B3GNT9: variants seen among roughly 807,000 people sequenced by gnomAD.
B3GNT9 encodes the protein BGnT-9.
For missense variants in B3GNT9, 669 were observed against 599.2 expected (o/e 1.12, Z -1.22); for synonymous variants, 359 against 283.9 (o/e 1.26, Z -2.66).
In B3GNT9 at chr16:67,149,930, T is replaced by C; in HGVS notation, c.556A>G (p.Ser186Gly). The change falls in exon 2 of 2, where the codon AGC becomes GGC. Residue 186 changes from serine to glycine, a missense_variant. Ser to Gly is a moderately conservative substitution (Grantham distance 56, BLOSUM62 0). Coordinates refer to ENST00000449549, the MANE Select transcript of B3GNT9 (RefSeq NM_033309.3). The stretch of plus-strand genomic sequence containing the variant: ...AGCAGGATGTCCGCATACGCAAGGC[T>C]CTCGGCCCGCAGCAGGGCGCGCCAG... Reference protein sequence around the residue: ...THWRALLRAESLAYADILLWA... With the variant: ...THWRALLRAEGLAYADILLWA... 1 of 1,593,864 alleles carries C rather than the reference T, an allele frequency of 6.3e-7. No homozygotes were observed. Among genetic ancestry groups the C allele is most frequent in the South Asian group, 1.1e-5 (1 of 88,558 alleles).
chr16:67,150,410 A>G lies in B3GNT9; in HGVS notation c.76T>C (p.Tyr26His). 2.9e-6 allele frequency: 4 copies of G among 1,361,050 alleles called. No individual in the cohort carries two copies. The highest frequency in any genetic ancestry group is 3.8e-6 in the Non-Finnish European group (4 of 1,059,668). 84.3% of individuals were successfully genotyped at this position (1,361,050 alleles called of 1,614,324 possible). Reference protein sequence around the residue: ...LLGASLGLLLYAQRDGAAPTA... With the variant: ...LLGASLGLLLHAQRDGAAPTA... ...GGGGCCGCGCCGTCGCGCTGCGCAT[A>G]GAGTAAGAGGCCCAGGGAGGCGCCA... Residue 26 changes from tyrosine (Y) to histidine (H), a missense_variant, in exon 2 of 2, where the codon TAT becomes CAT. Transcript: ENST00000449549.
Position 67,149,139 on chromosome 16 carries a change from C to T in B3GNT9, c.*138G>A. ...TTCCAGCAGGGTGGACCGCCAGGAG[C>T]CAAGCTTAACCCCCATCCCCTGGGA... On this transcript the variant is annotated 3_prime_UTR_variant, in exon 2 of 2. Coordinates refer to ENST00000449549, the MANE Select transcript of B3GNT9 (RefSeq NM_033309.3). 1 of 1,415,326 alleles carries T rather than the reference C, an allele frequency of 7.1e-7. No individual in the cohort carries two copies. The highest frequency in any genetic ancestry group is 9.2e-7 in the Non-Finnish European group (1 of 1,083,796). The allele number at this position is 1,415,326 out of a possible 1,614,324, so 87.7% of individuals were successfully genotyped here. A position where few individuals can be genotyped will look rare whatever the true frequency, so the allele number is the denominator to read the frequency against.
Position 67,149,348 on chromosome 16 carries a change from G to A in B3GNT9, c.1138C>T (p.His380Tyr). The A allele has an allele frequency of 6.2e-7, 1 of 1,601,966 alleles. No homozygotes were observed. The highest frequency in any genetic ancestry group is 8.5e-7 in the Non-Finnish European group (1 of 1,174,560). Reference sequence around the variant, plus strand: ...GCACAGGCTGGCCCATGCGGCCCGTGCAGCAGGCGCCACATAAGCCAGATG... The same window carrying A: ...GCACAGGCTGGCCCATGCGGCCCGTACAGCAGGCGCCACATAAGCCAGATG... ...ADIWLMWRLLHGPHGPACAHP... is the reference protein window; with the variant it reads ...ADIWLMWRLLYGPHGPACAHP... The change falls in exon 2 of 2, where the codon CAC (histidine) becomes TAC (tyrosine). Residue 380 changes from histidine to tyrosine, a missense_variant. By Grantham distance (83) the His-to-Tyr change is moderately conservative. Coordinates refer to ENST00000449549, the MANE Select transcript of B3GNT9 (RefSeq NM_033309.3).
At position 67,149,540 on chromosome 16, in the gene B3GNT9, C is replaced by T; in HGVS notation, c.946G>A (p.Asp316Asn). The change falls in exon 2 of 2, where the codon GAC becomes AAC. Residue 316 changes from aspartate to asparagine, a missense_variant. Transcript: ENST00000449549. ...CAQVELFPID[D>N]VFLGMCLQRL... ...TGCAGACACATGCCCAGAAAGACGTCGTCGATGGGGAAGAGCTCGACCTGC... is the reference window on the plus strand; with the variant it reads ...TGCAGACACATGCCCAGAAAGACGTTGTCGATGGGGAAGAGCTCGACCTGC... 1 of 1,608,856 alleles carries T rather than the reference C, an allele frequency of 6.2e-7. No homozygotes were observed. The highest frequency in any genetic ancestry group is 2.2e-5 in the East Asian group (1 of 44,590).
chr16:67,149,211 G>C lies in B3GNT9; in HGVS notation c.*66C>G, dbSNP rs2030346937. The stretch of plus-strand genomic sequence containing the variant: ...GTGATCAGGGAAGAACCACATACAC[G>C]GCAATAATCTGGGAAACCGGCTCCA... On this transcript the variant is annotated 3_prime_UTR_variant, in exon 2 of 2. Coordinates refer to ENST00000449549, the MANE Select transcript of B3GNT9 (RefSeq NM_033309.3). 6.7e-7 allele frequency: 1 copy of C among 1,493,644 alleles called. No homozygotes were observed. The highest frequency in any genetic ancestry group is 2.4e-5 in the Admixed American group (1 of 40,886). 92.5% of individuals were successfully genotyped at this position (1,493,644 alleles called of 1,614,324 possible). A position where few individuals can be genotyped will look rare whatever the true frequency, so the allele number is the denominator to read the frequency against.
In B3GNT9 at chr16:67,148,698, G is replaced by C. The variant is rs2030316969; in HGVS notation, c.*579C>G. On this transcript the variant is annotated 3_prime_UTR_variant, in exon 2 of 2. Transcript: ENST00000449549. ...TTGTTGTGTGAGTTCAGGAGGTGAG[G>C]AAAGACTAGGTAGGACCGTGCACTC... The C allele has an allele frequency of 6.6e-6, 1 of 152,206 alleles. No homozygotes were observed. The highest frequency in any genetic ancestry group is 1.5e-5 in the Non-Finnish European group (1 of 68,078). 9.4% of individuals were successfully genotyped at this position (152,206 alleles called of 1,614,324 possible). A position where few individuals can be genotyped will look rare whatever the true frequency, so the allele number is the denominator to read the frequency against.
At position 67,150,175 on chromosome 16, in the gene B3GNT9, T is replaced by C. The variant is rs764212288; in HGVS notation, c.311A>G (p.His104Arg). 3.9e-6 allele frequency: 6 copies of C among 1,553,432 alleles called. No homozygotes were observed. The highest frequency in any genetic ancestry group is 5.2e-6 in the Non-Finnish European group (6 of 1,153,466). ...RRFPLLINQP[H>R]KCRGDGAPGG... ...GGGTGCGCCGTCGCCGCGGCACTTG[T>C]GCGGCTGGTTAATGAGCAGTGGAAA... The change falls in exon 2 of 2, where the codon CAC becomes CGC. Residue 104 changes from histidine to arginine, a missense_variant. By Grantham distance (29) the His-to-Arg change is conservative. Coordinates refer to ENST00000449549, the MANE Select transcript of B3GNT9 (RefSeq NM_033309.3).
Position 67,150,584 on chromosome 16 carries a change from G to T in B3GNT9, c.-99C>A. 1 of 1,032,782 alleles carries T rather than the reference G, an allele frequency of 9.7e-7. No homozygotes were observed. The highest frequency in any genetic ancestry group is 1.2e-6 in the Non-Finnish European group (1 of 804,362). The allele number at this position is 1,032,782 out of a possible 1,614,324, so 64.0% of individuals were successfully genotyped here. On this transcript the variant is annotated 5_prime_UTR_variant, in exon 2 of 2. Coordinates refer to ENST00000449549, the MANE Select transcript of B3GNT9 (RefSeq NM_033309.3). ...CCCAGCTGAGGGGGCGGGAGGCCAC[G>T]CCCCGGGGGGGGCTCCAGCGACCGA...
rs2030343460 is a variant in B3GNT9 at position 67,149,112 on chromosome 16, G to A, written c.*165C>T. The A allele has an allele frequency of 5.8e-6, 8 of 1,369,966 alleles. No homozygotes were observed. Among genetic ancestry groups the A allele is most frequent in the East Asian group, 5.3e-5 (2 of 37,490 alleles). The allele number at this position is 1,369,966 out of a possible 1,614,324, so 84.9% of individuals were successfully genotyped here. The stretch of plus-strand genomic sequence containing the variant: ...GGTCACCATTACACGGGTTTCAACT[G>A]GTTCCAGCAGGGTGGACCGCCAGGA... On this transcript the variant is annotated 3_prime_UTR_variant, in exon 2 of 2. Coordinates refer to ENST00000449549, the MANE Select transcript of B3GNT9 (RefSeq NM_033309.3).
At position 67,149,170 on chromosome 16, in the gene B3GNT9, T is replaced by C. The variant is rs540950512; in HGVS notation, c.*107A>G. 1 of 1,441,414 alleles carries C rather than the reference T, an allele frequency of 6.9e-7. No homozygotes were observed. The highest frequency in any genetic ancestry group is 1.6e-5 in the South Asian group (1 of 64,280). 89.3% of individuals were successfully genotyped at this position (1,441,414 alleles called of 1,614,324 possible). ...TTAACCCCCATCCCCTGGGATCCTG[T>C]GGAGACAGGCACCTGGTGATCAGGG... On this transcript the variant is annotated 3_prime_UTR_variant, in exon 2 of 2. Coordinates refer to ENST00000449549, the MANE Select transcript of B3GNT9 (RefSeq NM_033309.3).
In B3GNT9 at chr16:67,150,051, C is replaced by G. The variant is rs1247162822; in HGVS notation, c.435G>C (p.Val145=). The change falls in exon 2 of 2, where the codon GTG becomes GTC. Residue 145 remains valine, a synonymous_variant. Transcript: ENST00000449549. ...VRQTWGAEGR[V]QGALVRRVFL... ...ACACGCGGCGCACCAGCGCCCCCTG[C>G]ACGCGACCCTCCGCGCCCCACGTCT... 1.3e-6 allele frequency: 2 copies of G among 1,494,988 alleles called. No individual in the cohort carries two copies. Among genetic ancestry groups the G allele is most frequent in the South Asian group, 2.7e-5 (2 of 75,206 alleles). 92.6% of individuals were successfully genotyped at this position (1,494,988 alleles called of 1,614,324 possible).
rs957121175 is a variant in B3GNT9, at chr16:67,150,895, A to G, written c.-217T>C. ...GCCCTCGGAAGTGGCGCAGCCCCGG[A>G]CGCCCTGGCCTCCGGGGCTCAGCGC... On this transcript the variant is annotated 5_prime_UTR_variant, in exon 1 of 2. Coordinates refer to ENST00000449549, the MANE Select transcript of B3GNT9 (RefSeq NM_033309.3). 1 of 158,760 alleles carries G rather than the reference A, an allele frequency of 6.3e-6. No individual in the cohort carries two copies. Among genetic ancestry groups the G allele is most frequent in the African/African-American group, 2.4e-5 (1 of 41,618 alleles). 9.8% of individuals were successfully genotyped at this position (158,760 alleles called of 1,614,324 possible). A position where few individuals can be genotyped will look rare whatever the true frequency, so the allele number is the denominator to read the frequency against.
Position 67,150,464 on chromosome 16 carries a change from G to C in B3GNT9, c.22C>G (p.Arg8Gly). 2.3e-6 allele frequency: 3 copies of C among 1,330,314 alleles called. No individual in the cohort carries two copies. Among genetic ancestry groups the C allele is most frequent in the African/African-American group, 1.5e-5 (1 of 65,206 alleles). The allele number at this position is 1,330,314 out of a possible 1,614,324, so 82.4% of individuals were successfully genotyped here. The change falls in exon 2 of 2, where the codon CGC becomes GGC. Residue 8 changes from arginine to glycine, a missense_variant. Physicochemically the swap from Arg to Gly is moderately radical, Grantham distance 125. Transcript: ENST00000449549. ...AGCAGCGTGAGCAATGCGTCCCTGC[G>C]TAGGCGCAGCCTCCTCCTCATCTCC... is the stretch of plus-strand genomic sequence containing the variant. MRRRLRLRRDALLTLLLG... is the reference protein window; with the variant it reads MRRRLRLGRDALLTLLLG...
chr16:67,150,779 C>T (rs1353240781), intron 1 of B3GNT9, 86 bp downstream of exon 1: 9 of 304,964 alleles, frequency 3.0e-5, no homozygotes, highest in Non-Finnish European at 4.2e-5. Flanking sequence ...CTCGGCCCCT[C>T]CCCCGCCCGC....
Position 67,150,237 on chromosome 16 carries a change from G to A in B3GNT9, c.249C>T (p.Asp83=), listed in dbSNP as rs1201812138. The A allele has an allele frequency of 1.9e-6, 3 of 1,544,592 alleles. No homozygotes were observed. The highest frequency in any genetic ancestry group is 2.4e-5 in the South Asian group (2 of 83,808). Residue 83 remains aspartate (D), a synonymous_variant, in exon 2 of 2, where the codon GAC becomes GAT. Transcript: ENST00000449549. ...PAPPTPTGPF[D]FARYLRAKDQ... ...CCTTGGCGCGCAAATAGCGGGCGAA[G>A]TCAAAGGGTCCCGTAGGCGTGGGCG...
chr16:67,149,685 C>A lies in B3GNT9; in HGVS notation c.801G>T (p.Arg267=). ...VIVHARPIRT[R]ASKYYIPEAV... is the part of the protein sequence containing the mutation. Reference sequence around the variant, plus strand: ...CCTCGGGGATGTAGTACTTGCTAGCCCGCGTGCGGATGGGCCGCGCATGCA... The same window carrying A: ...CCTCGGGGATGTAGTACTTGCTAGCACGCGTGCGGATGGGCCGCGCATGCA... Residue 267 remains arginine (R), a synonymous_variant, in exon 2 of 2, where the codon CGG becomes CGT. Coordinates refer to ENST00000449549, the MANE Select transcript of B3GNT9 (RefSeq NM_033309.3). The A allele has an allele frequency of 6.2e-7, 1 of 1,611,320 alleles. No individual in the cohort carries two copies. The highest frequency in any genetic ancestry group is 8.5e-7 in the Non-Finnish European group (1 of 1,178,836).
At position 67,150,448 on chromosome 16, in the gene B3GNT9, A is replaced by G; in HGVS notation, c.38T>C (p.Leu13Pro). The G allele has an allele frequency of 7.4e-7, 1 of 1,344,496 alleles. No individual in the cohort carries two copies. The highest frequency in any genetic ancestry group is 9.5e-7 in the Non-Finnish European group (1 of 1,050,930). The allele number at this position is 1,344,496 out of a possible 1,614,324, so 83.3% of individuals were successfully genotyped here. ...RRLRLRRDALLTLLLGASLGL... is the reference protein window; with the variant it reads ...RRLRLRRDALPTLLLGASLGL... ...CAGGGAGGCGCCAAGGAGCAGCGTG[A>G]GCAATGCGTCCCTGCGTAGGCGCAG... Residue 13 changes from leucine (L) to proline (P), a missense_variant, in exon 2 of 2, where the codon CTC (leucine) becomes CCC (proline). Physicochemically the swap from Leu to Pro is moderately conservative, Grantham distance 98. Coordinates refer to ENST00000449549, the MANE Select transcript of B3GNT9 (RefSeq NM_033309.3).
intron 1 of B3GNT9, 86 bp from the exon 2 acceptor site, chr16:67,150,757 G>A (rs1451726771): frequency 2.9e-6 from 1 of 347,860 alleles, no homozygotes; most frequent in Non-Finnish European, 5.2e-6. Flanking sequence ...GCCGGGCAGG[G>A]AGACTGGGAG....
chr16:67,150,003 G>A lies in B3GNT9; in HGVS notation c.483C>T (p.Gly161=), dbSNP rs2030401087. ...CTTCGTCGGCCCCGCCCGAGCCTGC[G>A]CCCCTGGGCACGCCCAGCAAGAACA... ...RRVFLLGVPR[G]AGSGGADEVG... Residue 161 remains glycine, a synonymous_variant, in exon 2 of 2, where the codon GGC becomes GGT. Transcript: ENST00000449549. The A allele has an allele frequency of 3.9e-6, 6 of 1,529,780 alleles. No homozygotes were observed. Among genetic ancestry groups the A allele is most frequent in the Non-Finnish European group, 5.3e-6 (6 of 1,138,176 alleles). 94.8% of individuals were successfully genotyped at this position (1,529,780 alleles called of 1,614,324 possible).
Sources: gnomAD v4.1 joint callset for allele counts on GRCh38, gnomAD v4.1.1 for gene constraint, MANE v1.5 for transcripts, NCBI Gene and HGNC (gene_info 2026-07-23, HGNC 2026-07-21) for gene names.